OSBPL10: variants seen among roughly 807,000 people sequenced by gnomAD.
OSBPL10 encodes the protein oxysterol binding protein like 10, also known as oxysterol-binding protein-related protein 10.
In OSBPL10, 49 loss-of-function variants were observed where a neutral mutation model predicts 81.7. The observed-to-expected ratio is 0.60, with a 90% CI of 0.48 to 0.76. The LOEUF (loss-of-function observed/expected upper bound fraction) is 0.76, where lower values mean the gene tolerates loss of function less well. OSBPL10 is among the 30% of genes least tolerant of loss of function. OSBPL10 has a pLI of 0.00. For synonymous variants in OSBPL10, 419 were observed against 383.6 expected, an observed-to-expected ratio of 1.09 and a Z score of -1.08; for missense variants, 923 against 987.8, an observed-to-expected ratio of 0.93 and a Z score of 0.88.
chr3:31,726,508 G>A (rs3792544), intron 6 of OSBPL10, among the ~76,000 whole-genome samples: 14,058 of 151,630 alleles, frequency 0.093, 1,165 homozygotes, highest in African/African-American at 0.23. Context: ...GTAGAAACAG[G>A]TTTCACCATG....
At chr3:31,887,142 G>A (rs1279712046) in intron 1 of OSBPL10, among the ~76,000 whole-genome samples, 1 of 152,096 alleles carries the variant, frequency 6.6e-6, no homozygotes, top group East Asian at 1.9e-4. Flanking sequence ...GTTCTTTCCA[G>A]CAATGTACAC....
At chr3:31,904,042 T>C (rs1057219599) in intron 1 of OSBPL10, among the ~76,000 whole-genome samples, 1 of 152,098 alleles carries the variant, frequency 6.6e-6, no homozygotes, top group African/African-American at 2.4e-5. Flanking sequence ...ATCCAAACTA[T>C]AATACTACCG....
intron 3 of OSBPL10, among the ~76,000 whole-genome samples, chr3:31,840,477 C>T (rs555066787): frequency 1.3e-5 from 2 of 152,306 alleles, no homozygotes; most frequent in Non-Finnish European, 1.5e-5. Context: ...CATGCCCAAG[C>T]GGCGTGCAGA....
chr3:31,764,995 T>C (rs528107344), intron 4 of OSBPL10, among the ~76,000 whole-genome samples: 1 of 152,148 alleles, frequency 6.6e-6, no homozygotes. Flanking sequence ...AAACACATCA[T>C]GGTTGTAATT....
intron 10 of OSBPL10, among the ~76,000 whole-genome samples, chr3:31,664,836 C>A (rs1700152121): frequency 6.6e-6 from 1 of 151,866 alleles, no homozygotes; most frequent in Non-Finnish European, 1.5e-5. Context: ...CATCTCCCCC[C>A]ATGTCTACAC....
intron 10 of OSBPL10, among the ~76,000 whole-genome samples, chr3:31,664,870 A>C (rs535239848): frequency 6.6e-6 from 1 of 152,182 alleles, no homozygotes; most frequent in South Asian, 2.1e-4. Flanking sequence ...TGCTTCATGA[A>C]TTCATTGTAG....
At chr3:32,061,024 C>T (rs1416306470) in intron 1 of OSBPL10, among the ~76,000 whole-genome samples, 1 of 88,186 alleles carries the variant, frequency 1.1e-5, no homozygotes, top group Non-Finnish European at 3.0e-5. Context: ...CTCTGTCCCT[C>T]GACACAATCA....
intron 4 of OSBPL10, among the ~76,000 whole-genome samples, chr3:31,775,693 C>A (rs1056376699): frequency 1.3e-5 from 2 of 151,942 alleles, no homozygotes; most frequent in Non-Finnish European, 2.9e-5. Flanking sequence ...GTGGGGAACA[C>A]AGTGTGACGA....
chr3:31,961,361 C>T (rs560462059), intron 1 of OSBPL10, among the ~76,000 whole-genome samples: 152 of 152,096 alleles, frequency 1.0e-3, no homozygotes, highest in African/African-American at 3.6e-3. Context: ...TCCCAGGGCT[C>T]GGAAAGCTAG....
chr3:32,008,430 G>A (rs1346728409), intron 2 of OSBPL10, among the ~76,000 whole-genome samples: 1 of 151,938 alleles, frequency 6.6e-6, no homozygotes, highest in Non-Finnish European at 1.5e-5. Flanking sequence ...TGGGATTACA[G>A]GTGTGAGCCA....
chr3:31,824,922 A>G (rs1181704318), intron 4 of OSBPL10, among the ~76,000 whole-genome samples: 1 of 152,122 alleles, frequency 6.6e-6, no homozygotes, highest in Admixed American at 6.5e-5. Flanking sequence ...GAATGTTTCC[A>G]TATCAAGTAA....
At chr3:31,916,450 T>C (rs1696760095) in intron 1 of OSBPL10, among the ~76,000 whole-genome samples, 1 of 152,124 alleles carries the variant, frequency 6.6e-6, no homozygotes, top group Non-Finnish European at 1.5e-5. Context: ...AACAACAGGT[T>C]GGTTATAAGC....
intron 7 of OSBPL10, among the ~76,000 whole-genome samples, chr3:31,692,747 T>C (rs1695592961): frequency 6.6e-6 from 1 of 152,224 alleles, no homozygotes. Flanking sequence ...AACTATTCCA[T>C]TTTACAGATG....
intron 4 of OSBPL10, among the ~76,000 whole-genome samples, chr3:31,751,150 A>G (rs1484253264): frequency 6.6e-6 from 1 of 152,032 alleles, no homozygotes; most frequent in Non-Finnish European, 1.5e-5. Context: ...TACCAAAAAA[A>G]ACAACAAAAA....
At chr3:31,721,675 G>A (rs1696649023) in intron 6 of OSBPL10, 2 of 152,212 alleles carry the variant, frequency 1.3e-5, no homozygotes, top group Non-Finnish European at 1.5e-5. Context: ...TCCTTTGGAA[G>A]ACAAAAGAGA....
chr3:31,684,134 AAGTC>A lies in OSBPL10; in HGVS notation c.1246-24_1246-21del. 6.2e-7 allele frequency: 1 copy of A among 1,608,446 alleles called. No individual in the cohort carries two copies. The highest frequency in any genetic ancestry group is 1.3e-5 in the African/African-American group (1 of 74,828). ...CACCACCTGCATTTGGAAGGACACA[AAGTC>A]AGACAATCCCTGGGATTACACGGAA... On this transcript the variant is annotated intron_variant, in intron 7 of 11. Coordinates refer to ENST00000396556, the MANE Select transcript of OSBPL10 (RefSeq NM_017784.5).
chr3:31,711,007 C>T (rs1385121664), intron 6 of OSBPL10: 2 of 152,192 alleles, frequency 1.3e-5, no homozygotes, highest in African/African-American at 4.8e-5. Flanking sequence ...ATTCAACAGG[C>T]TGGTGTTCTG....
At chr3:31,742,670 C>T (rs754974445) in intron 5 of OSBPL10, among the ~76,000 whole-genome samples, 10 of 152,104 alleles carry the variant, frequency 6.6e-5, no homozygotes, top group Non-Finnish European at 1.2e-4. Flanking sequence ...GGCATCTGCC[C>T]GAACTCAAAC....
intron 4 of OSBPL10, chr3:31,797,645 A>G (rs74533404): frequency 0.033 from 11,575 of 347,080 alleles, 263 homozygotes; most frequent in African/African-American, 0.073. Context: ...AAAAGGTCAC[A>G]GCTATTTTTC....
Sources: allele counts gnomAD v4.1 joint callset (sites outside exome capture counted in the v4.1 genomes callset), GRCh38; gene constraint gnomAD v4.1.1; transcripts MANE v1.5; gene names NCBI Gene and HGNC (gene_info 2026-07-23, HGNC 2026-07-21).